The following TRAPPC9 variants were observed in gnomAD, a reference collection of about 807,000 sequenced individuals.
TRAPPC9 encodes the protein trafficking protein particle complex subunit 9.
Under a neutral mutation model 124.0 loss-of-function variants are expected in TRAPPC9, and 83 were observed. The observed-to-expected ratio is 0.67, with a 90% CI of 0.56 to 0.80. The LOEUF is 0.80. TRAPPC9 is among the 30% of genes least tolerant of loss of function. The pLI is 0.00. For synonymous variants in TRAPPC9, 638 were observed against 617.5 expected (o/e 1.03, Z -0.49); for missense variants, 1,302 against 1,508.3 (o/e 0.86, Z 2.27).
chr8:140,298,656 A>T (rs78209101), intron 11 of TRAPPC9, among the ~76,000 whole-genome samples: 1 of 73,262 alleles, frequency 1.4e-5, no homozygotes, highest in African/African-American at 5.1e-5. Flanking sequence ...TGTCTCAAAG[A>T]AAAAAAAAAG....
chr8:139,732,121 C>A lies in TRAPPC9; in HGVS notation c.3137G>T (p.Arg1046Leu). Reference sequence around the variant, plus strand: ...GCTGCGCGGGCTCCGGTTGGTCAGCCGCACCTCCAGGCGCACGGGGTCGCC... The same window carrying A: ...GCTGCGCGGGCTCCGGTTGGTCAGCAGCACCTCCAGGCGCACGGGGTCGCC... ...QVGDPVRLEV[R>L]LTNRSPRSVG... Residue 1046 changes from arginine to leucine, a missense_variant, in exon 22 of 23, where the codon CGG becomes CTG. Transcript: ENST00000438773. 2 of 1,606,954 alleles carry A rather than the reference C, an allele frequency of 1.2e-6. No individual in the cohort carries two copies. Among genetic ancestry groups the A allele is most frequent in the South Asian group, 1.1e-5 (1 of 89,910 alleles).
chr8:140,209,199 C>A (rs940304091), intron 17 of TRAPPC9, among the ~76,000 whole-genome samples: 1 of 152,172 alleles, frequency 6.6e-6, no homozygotes, highest in African/African-American at 2.4e-5. Flanking sequence ...GAGTCACTCC[C>A]GTGTCTTTCC....
chr8:140,221,258 GTT>G (rs1278271310), intron 17 of TRAPPC9, among the ~76,000 whole-genome samples, 199 bp downstream of exon 17: 4 of 152,222 alleles, frequency 2.6e-5, no homozygotes, highest in African/African-American at 9.6e-5. Flanking sequence ...GGACATAAGA[GTT>G]TGCAACACCA....
chr8:140,296,044 C>T (rs1176510863), intron 11 of TRAPPC9, among the ~76,000 whole-genome samples: 1 of 152,184 alleles, frequency 6.6e-6, no homozygotes, highest in Non-Finnish European at 1.5e-5. Flanking sequence ...TCGAGTCCTG[C>T]AACCTGGCAT....
chr8:139,809,017 T>C (rs1014502600), intron 21 of TRAPPC9, among the ~76,000 whole-genome samples: 4 of 152,254 alleles, frequency 2.6e-5, no homozygotes, highest in Admixed American at 6.5e-5. Context: ...CCCCTTTGTG[T>C]TCTCTGACTT....
chr8:139,956,429 G>A lies in TRAPPC9; in HGVS notation c.2810+32297C>T, dbSNP rs1834990336. ...GCCCACCTCAACCTCCCAAAGTGCT[G>A]GGATTACAGGCGTGAGCCACCGCGC... On this transcript the variant is annotated intron_variant, in intron 19 of 22. Coordinates refer to ENST00000438773, the MANE Select transcript of TRAPPC9 (RefSeq NM_001160372.4). 3.3e-5 allele frequency among the ~76,000 whole-genome samples: 5 copies of A among 152,126 alleles called. No homozygotes were observed. The South Asian group carries it at 8.3e-4, about 25-fold the overall frequency.
rs116209059 is a variant in TRAPPC9, at chr8:139,988,423, C to T, written c.2810+303G>A. Among the ~76,000 whole-genome samples the T allele has an allele frequency of 6.3e-3, 956 of 152,198 alleles. 6 individuals carry two copies. Among genetic ancestry groups the T allele is most frequent in the African/African-American group, 0.022 (904 of 41,526 alleles). On this transcript the variant is annotated intron_variant, in intron 19 of 22. Transcript: ENST00000438773. ...GCCACCACACCCAGCCCAGATACCA[C>T]TTTCTCAAGAATTTAACAGCAAAGA...
chr8:140,127,083 A>G (rs994733558), intron 17 of TRAPPC9, among the ~76,000 whole-genome samples: 4 of 152,172 alleles, frequency 2.6e-5, no homozygotes, highest in African/African-American at 9.7e-5. Context: ...CTTTCAAACC[A>G]AGAGACAGAA....
At chr8:139,784,646 A>ATAT (rs1290029459) in intron 21 of TRAPPC9, among the ~76,000 whole-genome samples, 24 of 79,286 alleles carry the variant, frequency 3.0e-4, no homozygotes, top group Non-Finnish European at 6.2e-4. Context: ...TATATATATA[A>ATAT]ATCAACTGCA....
intron 6 of TRAPPC9, among the ~76,000 whole-genome samples, chr8:140,404,762 A>G (rs1484933161): frequency 6.7e-6 from 1 of 149,702 alleles, no homozygotes; most frequent in Non-Finnish European, 1.5e-5. Context: ...GTGTACGTGC[A>G]TGTGTGTGCG....
intron 10 of TRAPPC9, 96 bp from the exon 11 acceptor site, chr8:140,300,710 A>C: frequency 6.8e-7 from 1 of 1,479,996 alleles, no homozygotes; most frequent in Non-Finnish European, 9.4e-7. Context: ...AAAACAGTAA[A>C]TCAGTCAGAA....
intron 17 of TRAPPC9, among the ~76,000 whole-genome samples, chr8:140,052,639 G>A (rs58440949): frequency 0.017 from 2,603 of 152,176 alleles, 73 homozygotes; most frequent in African/African-American, 0.058. Flanking sequence ...AAAATTAGCC[G>A]GGTGTGGTGG....
chr8:140,168,908 T>C (rs1398126887), intron 17 of TRAPPC9, among the ~76,000 whole-genome samples: 1 of 152,240 alleles, frequency 6.6e-6, no homozygotes, highest in African/African-American at 2.4e-5. Context: ...TGCACCAGAA[T>C]TTGTTTACTG....
At chr8:139,856,431 C>A (rs117062040) in intron 21 of TRAPPC9, among the ~76,000 whole-genome samples, 2 of 152,136 alleles carry the variant, frequency 1.3e-5, no homozygotes, top group Admixed American at 1.3e-4. Flanking sequence ...CTGCCCTCCC[C>A]CTCTGGGACC....
chr8:140,233,359 C>T (rs375074139), intron 16 of TRAPPC9, among the ~76,000 whole-genome samples: 20 of 152,134 alleles, frequency 1.3e-4, no homozygotes, highest in African/African-American at 4.3e-4. Flanking sequence ...CCTCTGCCAC[C>T]GCGCCCAGCT....
At chr8:140,255,072 C>T (rs1267496681) in intron 15 of TRAPPC9, among the ~76,000 whole-genome samples, 1 of 152,226 alleles carries the variant, frequency 6.6e-6, no homozygotes, top group East Asian at 1.9e-4. Flanking sequence ...ATGGCACGGT[C>T]CTGCAGAACT....
chr8:139,803,057 C>T (rs1271467142), intron 21 of TRAPPC9, among the ~76,000 whole-genome samples: 1 of 151,738 alleles, frequency 6.6e-6, no homozygotes, highest in African/African-American at 2.4e-5. Context: ...TGTCTGTGTG[C>T]CGTCGTGTGA....
At chr8:139,741,254 A>G (rs76536883) in intron 21 of TRAPPC9, among the ~76,000 whole-genome samples, 14 of 152,290 alleles carry the variant, frequency 9.2e-5, no homozygotes, top group African/African-American at 3.1e-4. Context: ...GTTGTCAACA[A>G]TGCCTGACTT....
intron 11 of TRAPPC9, chr8:140,291,351 C>T (rs2065652366): frequency 1.9e-6 from 1 of 517,090 alleles, no homozygotes; most frequent in South Asian, 2.0e-5. Context: ...CCAGATGGCA[C>T]TGTTCTTGGT....
Sources: gnomAD v4.1 joint callset for allele counts (sites outside exome capture counted in the v4.1 genomes callset) on GRCh38, gnomAD v4.1.1 for gene constraint, MANE v1.5 for transcripts, NCBI Gene and HGNC (gene_info 2026-07-23, HGNC 2026-07-21) for gene names.